FGFR1: variants seen among roughly 807,000 people sequenced by gnomAD.
The protein encoded by FGFR1 is fibroblast growth factor receptor 1, also known as FGFR1/PLAG1 fusion.
FGFR1 carries 18 observed loss-of-function variants against 93.7 expected under a neutral mutation model. That is an observed-to-expected ratio of 0.19 (90% CI 0.13 to 0.28). FGFR1 has a LOEUF of 0.28. Ranked by LOEUF, FGFR1 falls within the 10% of genes least tolerant of loss-of-function variation. The pLI is 1.00. For synonymous variants in FGFR1, 448 were observed against 429.3 expected (o/e 1.04, Z -0.54); for missense variants, 731 against 1,080.4 (o/e 0.68, Z 4.53).
chr8:38,443,598 G>A (rs1004318824), intron 2 of FGFR1, among the ~76,000 whole-genome samples: 6 of 151,790 alleles, frequency 4.0e-5, no homozygotes, highest in Non-Finnish European at 7.4e-5. Flanking sequence ...TCTTGAGCCC[G>A]GGAGGTCGAG....
In FGFR1 at chr8:38,426,366, G is replaced by A. The variant is rs2150872737; in HGVS notation, c.622-121C>T. 3 of 1,437,310 alleles carry A rather than the reference G, an allele frequency of 2.1e-6. No homozygotes were observed. The South Asian group carries it at 3.4e-5, about 17-fold the overall frequency. The allele number at this position is 1,437,310 out of a possible 1,614,324, so 89.0% of individuals were successfully genotyped here. On this transcript the variant is annotated intron_variant, in intron 5 of 17. Transcript: ENST00000447712. This position sits in a 1 kb window ranked among gnomAD's most constrained non-coding sequence, Gnocchi z 4.1. ...AGAGCCTGGTGGCACAGGGCCCCAG[G>A]CTGCAGGGTTGGCTAGGACAAGGCG...
At chr8:38,465,820 C>A (rs930752081) in intron 1 of FGFR1, 1 of 219,036 alleles carries the variant, frequency 4.6e-6, no homozygotes, top group Non-Finnish European at 9.2e-6. Flanking sequence ...AGTCTCAAGG[C>A]TAGATAGTAT....
chr8:38,411,791 T>C lies in FGFR1; in HGVS notation c.*1837A>G, dbSNP rs999494508. The C allele has an allele frequency of 2.2e-5, 5 of 230,166 alleles. No individual in the cohort carries two copies. Among genetic ancestry groups the C allele is most frequent in the African/African-American group, 1.1e-4 (5 of 45,058 alleles). The allele number at this position is 230,166 out of a possible 1,614,324, so 14.3% of individuals were successfully genotyped here. On this transcript the variant is annotated 3_prime_UTR_variant, in exon 18 of 18. Coordinates refer to ENST00000447712, the MANE Select transcript of FGFR1 (RefSeq NM_023110.3). ...CAAAAAACCAAAAACATTCGGAGAA[T>C]TTTCCCCCCGTTCCTGAGGGACAGG...
chr8:38,467,404 A>G (rs550094026), intron 1 of FGFR1, among the ~76,000 whole-genome samples: 8 of 151,272 alleles, frequency 5.3e-5, no homozygotes, highest in Non-Finnish European at 1.2e-4. Context: ...CTCCCACCCC[A>G]TCCGACCCCA....
chr8:38,430,044 C>G, intron 2 of FGFR1, 96 bp from the exon 3 acceptor site: 6 of 1,257,358 alleles, frequency 4.8e-6, no homozygotes, highest in East Asian at 2.5e-5. Flanking sequence ...TTACGCTGGC[C>G]ACACGGAGCC....
chr8:38,465,833 CA>C, intron 1 of FGFR1: 2 of 220,122 alleles, frequency 9.1e-6, no homozygotes, highest in African/African-American at 2.2e-5. Flanking sequence ...GATAGTATTC[CA>C]AAAAAAGCGC....
At chr8:38,434,328 GCTTTT>G in intron 2 of FGFR1, 1 of 132,048 alleles carries the variant, frequency 7.6e-6, no homozygotes, top group Admixed American at 8.8e-5. Context: ...TATTGCTGCT[GCTTTT>G]TTTTTTTTTT....
chr8:38,447,587 T>C (rs771077427), intron 2 of FGFR1, among the ~76,000 whole-genome samples: 41 of 152,292 alleles, frequency 2.7e-4, no homozygotes, highest in Non-Finnish European at 5.1e-4. Context: ...GTTCAAGCTA[T>C]TCTCCTGCCT....
At chr8:38,417,592 G>T in intron 11 of FGFR1, 176 bp from the exon 12 acceptor site, 1 of 728,958 alleles carries the variant, frequency 1.4e-6, no homozygotes, top group Non-Finnish European at 2.4e-6. Context: ...TGCAATAGGT[G>T]GTAGTGAGTG....
chr8:38,434,959 C>T (rs904508753), intron 2 of FGFR1: 3 of 152,264 alleles, frequency 2.0e-5, no homozygotes, highest in Admixed American at 2.0e-4. Flanking sequence ...CCTTTGCCTC[C>T]CCAGTTCAAG....
At chr8:38,418,431 C>T (rs528514513) in intron 9 of FGFR1, 58 bp from the exon 10 acceptor site, 1 of 1,573,268 alleles carries the variant, frequency 6.4e-7, no homozygotes, top group Admixed American at 1.8e-5. Flanking sequence ...TGACTCCTTC[C>T]CATTCTTAGT....
chr8:38,434,598 T>TA, intron 2 of FGFR1: 1 of 248,088 alleles, frequency 4.0e-6, no homozygotes, highest in South Asian at 6.6e-5. Context: ...TCCCTTCACT[T>TA]AGACATTCTT....
At chr8:38,447,267 A>T (rs1829663463) in intron 2 of FGFR1, among the ~76,000 whole-genome samples, 1 of 152,170 alleles carries the variant, frequency 6.6e-6, no homozygotes, top group Admixed American at 6.5e-5. Context: ...AATTTGATAT[A>T]GAAAAATAGT....
chr8:38,458,163 T>C (rs1833401748), intron 1 of FGFR1, among the ~76,000 whole-genome samples: 1 of 152,192 alleles, frequency 6.6e-6, no homozygotes, highest in African/African-American at 2.4e-5. Context: ...CAAATAGTTC[T>C]GCCCTTTTGT....
chr8:38,428,540 C>G, intron 3 of FGFR1, 105 bp from the exon 4 acceptor site: 1 of 815,782 alleles, frequency 1.2e-6, no homozygotes, highest in Non-Finnish European at 2.1e-6. Flanking sequence ...CATGGGGATC[C>G]CAGTCCCACT....
intron 1 of FGFR1, among the ~76,000 whole-genome samples, chr8:38,458,537 T>C (rs1263186941): frequency 6.6e-6 from 1 of 151,744 alleles, no homozygotes; most frequent in Admixed American, 6.6e-5. Flanking sequence ...TGAGACTCTG[T>C]CTCAAAAAAT....
At chr8:38,434,531 A>G in intron 2 of FGFR1, 1 of 326,912 alleles carries the variant, frequency 3.1e-6, no homozygotes, top group South Asian at 3.6e-5. Flanking sequence ...CTGAACCTTC[A>G]CCACAAGGAG....
intron 13 of FGFR1, 65 bp downstream of exon 13, chr8:38,415,805 C>T (rs758552249): frequency 2.0e-6 from 3 of 1,503,386 alleles, no homozygotes; most frequent in African/African-American, 2.8e-5. Flanking sequence ...AAGTCACAGG[C>T]TGGAAGACTA....
intron 8 of FGFR1, 35 bp downstream of exon 8, chr8:38,421,762 G>C (rs2150750328): frequency 6.2e-7 from 1 of 1,612,916 alleles, no homozygotes; most frequent in South Asian, 1.1e-5. Flanking sequence ...CCGTGGCGAG[G>C]GCAGGACATC....
Sources: allele counts gnomAD v4.1 joint callset (sites outside exome capture counted in the v4.1 genomes callset), GRCh38; gene constraint gnomAD v4.1.1; non-coding constraint Gnocchi (gnomAD v3.1); transcripts MANE v1.5; gene names NCBI Gene and HGNC (gene_info 2026-07-23, HGNC 2026-07-21).